ERAL1: variants seen among roughly 807,000 people sequenced by gnomAD.
ERAL1 encodes the protein Era like 12S mitochondrial rRNA chaperone 1.
A neutral mutation model predicts 53.6 loss-of-function variants in ERAL1; 36 were observed. The ratio of observed to expected loss-of-function variants is 0.67; its 90% CI spans 0.51 to 0.89. ERAL1 has a LOEUF of 0.89. ERAL1 is among the 40% of genes least tolerant of loss of function. The probability of loss-of-function intolerance (pLI) is 0.00; values close to 1 mark genes in which losing one functional copy is unlikely to be tolerated. For synonymous variants in ERAL1, 215 were observed against 211.8 expected (o/e 1.02, Z -0.13); for missense variants, 512 against 537.5 (o/e 0.95, Z 0.47).
chr17:28,860,583 C>A lies in ERAL1; in HGVS notation c.*30C>A. On this transcript the variant is annotated 3_prime_UTR_variant, in exon 10 of 10. Coordinates refer to ENST00000254928, the MANE Select transcript of ERAL1 (RefSeq NM_005702.4). ...CCTCTACTGACCCTCCCAGGGCATT[C>A]CAGCTCAAGCTGCTGGCAGGAACTG... 6.4e-7 allele frequency: 1 copy of A among 1,563,712 alleles called. No individual in the cohort carries two copies. Among genetic ancestry groups the A allele is most frequent in the South Asian group, 1.2e-5 (1 of 83,264 alleles).
In ERAL1 at chr17:28,859,061, G is replaced by A. The variant is rs759301990; in HGVS notation, c.1058G>A (p.Arg353Gln). 4.3e-6 allele frequency: 7 copies of A among 1,614,174 alleles called. No individual in the cohort carries two copies. The highest frequency in any genetic ancestry group is 2.2e-5 in the South Asian group (2 of 91,068). The change falls in exon 8 of 10, where the codon CGA becomes CAA. Residue 353 changes from arginine to glutamine, a missense_variant. Arg to Gln is a conservative substitution (Grantham distance 43). Coordinates refer to ENST00000254928, the MANE Select transcript of ERAL1 (RefSeq NM_005702.4). The part of the protein sequence containing the change: ...TPEEICANII[R>Q]EKLLEHLPQE... ...GAAGAGATCTGTGCCAACATTATCC[G>A]AGAGAAGCTCCTAGAACACCTGCCC...
At chr17:28,857,756 C>T (rs1035873051) in intron 3 of ERAL1, among the ~76,000 whole-genome samples, 183 bp from the exon 4 acceptor site, 4 of 152,112 alleles carry the variant, frequency 2.6e-5, no homozygotes, top group Non-Finnish European at 5.9e-5. Flanking sequence ...TGTGCCACTG[C>T]ACTCCAGCCT....
intron 9 of ERAL1, among the ~76,000 whole-genome samples, chr17:28,859,759 C>T (rs1244561102): frequency 6.6e-6 from 1 of 151,844 alleles, no homozygotes; most frequent in African/African-American, 2.4e-5. Context: ...AGGCTGGCTT[C>T]GAACGCTTGA....
chr17:28,855,277 T>C lies in ERAL1; in HGVS notation c.243T>C (p.Ser81=), dbSNP rs1179545678. 1 of 1,609,570 alleles carries C rather than the reference T, an allele frequency of 6.2e-7. No individual in the cohort carries two copies. Among genetic ancestry groups the C allele is most frequent in the Admixed American group, 1.7e-5 (1 of 59,334 alleles). The change falls in exon 1 of 10, where the codon AGT becomes AGC. Residue 81 remains serine (S), a synonymous_variant. Transcript: ENST00000254928. ...DHFLGFSQPD[S]SVTPCVPAVS... Reference sequence around the variant, plus strand: ...TCCTCGGATTCTCTCAGCCCGACAGTTCGGTGACTCCTTGCGTCCCCGCGG... The same window carrying C: ...TCCTCGGATTCTCTCAGCCCGACAGCTCGGTGACTCCTTGCGTCCCCGCGG...
chr17:28,859,496 C>T (rs1178341347), intron 9 of ERAL1, among the ~76,000 whole-genome samples: 1 of 151,934 alleles, frequency 6.6e-6, no homozygotes, highest in African/African-American at 2.4e-5. Context: ...TCAAGCAATC[C>T]TCCCGCCTCA....
chr17:28,859,953 C>T (rs1015915875), intron 9 of ERAL1, among the ~76,000 whole-genome samples: 1 of 151,882 alleles, frequency 6.6e-6, no homozygotes, highest in African/African-American at 2.4e-5. Context: ...TGAGCCACCA[C>T]ATCTAACCCT....
At chr17:28,859,935 A>G (rs1458941128) in intron 9 of ERAL1, among the ~76,000 whole-genome samples, 1 of 152,020 alleles carries the variant, frequency 6.6e-6, no homozygotes, top group Non-Finnish European at 1.5e-5. Context: ...TGCTGGGATT[A>G]ATATGCGTGA....
intron 4 of ERAL1, 37 bp downstream of exon 4, chr17:28,858,022 G>T: frequency 3.7e-6 from 6 of 1,613,848 alleles, no homozygotes; most frequent in Non-Finnish European, 4.2e-6. Context: ...TGGCGGGGAG[G>T]TACTGAAAGA....
Position 28,856,399 on chromosome 17 carries a change from A to C in ERAL1, c.411+8A>C. 2 of 1,613,876 alleles carry C rather than the reference A, an allele frequency of 1.2e-6. No individual in the cohort carries two copies. Among genetic ancestry groups the C allele is most frequent in the South Asian group, 2.2e-5 (2 of 91,078 alleles). On this transcript the variant is annotated splice_region_variant and intron_variant, in intron 2 of 9. Coordinates refer to ENST00000254928, the MANE Select transcript of ERAL1 (RefSeq NM_005702.4). ...CAGCTACTGGGCCGAAAGGTATGCT[A>C]CACCCTTGACCATCCTACCCTTTAC...
chr17:28,858,234 C>A (rs748895575), intron 5 of ERAL1, 27 bp downstream of exon 5: 1 of 1,613,166 alleles, frequency 6.2e-7, no homozygotes, highest in Non-Finnish European at 8.5e-7. Flanking sequence ...GAACCTTAAG[C>A]CCAGTTTACA....
chr17:28,856,528 G>T lies in ERAL1; in HGVS notation c.435G>T (p.Val145=). ...GRKVFPVSRK[V]HTTRCQALGV... ...AGGTGTTCCCTGTTTCCAGGAAGGT[G>T]CATACTACTCGCTGCCAAGCTCTGG... Residue 145 remains valine, a synonymous_variant, in exon 3 of 10, where the codon GTG becomes GTT. Coordinates refer to ENST00000254928, the MANE Select transcript of ERAL1 (RefSeq NM_005702.4). 7 of 1,613,888 alleles carry T rather than the reference G, an allele frequency of 4.3e-6. No homozygotes were observed. Among genetic ancestry groups the T allele is most frequent in the Non-Finnish European group, 5.9e-6 (7 of 1,179,904 alleles).
chr17:28,860,169 A>G (rs549763950), intron 9 of ERAL1, among the ~76,000 whole-genome samples: 1 of 148,816 alleles, frequency 6.7e-6, no homozygotes, highest in Non-Finnish European at 1.5e-5. Flanking sequence ...TAGAGACAGC[A>G]TTTCACCATG....
At position 28,858,991 on chromosome 17, in the gene ERAL1, G is replaced by A; in HGVS notation, c.988G>A (p.Gly330Arg). ...KQYLLTQAQP[G>R]PWEYHSAVLT... is the part of the protein sequence containing the mutation. ...ATACCTTCTGACACAGGCCCAGCCA[G>A]GGCCCTGGGAGTACCACAGTGCAGT... The change falls in exon 8 of 10, where the codon GGG becomes AGG. Residue 330 changes from glycine to arginine, a missense_variant. By Grantham distance (125) the Gly-to-Arg change is moderately radical. Transcript: ENST00000254928. 6 of 1,614,168 alleles carry A rather than the reference G, an allele frequency of 3.7e-6. No individual in the cohort carries two copies. Among genetic ancestry groups the A allele is most frequent in the Non-Finnish European group, 3.4e-6 (4 of 1,180,034 alleles).
intron 7 of ERAL1, 45 bp downstream of exon 7, chr17:28,858,869 T>A (rs993691817): frequency 1.2e-6 from 2 of 1,612,956 alleles, no homozygotes; most frequent in African/African-American, 1.3e-5. Flanking sequence ...TTCTACCATA[T>A]GAAGACAGCC....
In ERAL1 at chr17:28,860,458, G is replaced by C. The variant is rs780502321; in HGVS notation, c.1219G>C (p.Val407Leu). Residue 407 changes from valine (V) to leucine (L), a missense_variant, in exon 10 of 10, where the codon GTG becomes CTG. Coordinates refer to ENST00000254928, the MANE Select transcript of ERAL1 (RefSeq NM_005702.4). ...ACTCCTGATTGGTCCGAAGGGCCACGTGATCTCCCAGATAGCACAGGAGGC... is the reference window on the plus strand; with the variant it reads ...ACTCCTGATTGGTCCGAAGGGCCACCTGATCTCCCAGATAGCACAGGAGGC... ...VKLLIGPKGHVISQIAQEAGH... is the reference protein window; with the variant it reads ...VKLLIGPKGHLISQIAQEAGH... 1 of 1,610,766 alleles carries C rather than the reference G, an allele frequency of 6.2e-7. No homozygotes were observed. The highest frequency in any genetic ancestry group is 8.5e-7 in the Non-Finnish European group (1 of 1,178,726).
chr17:28,859,018 C>A lies in ERAL1; in HGVS notation c.1015C>A (p.Leu339Ile). 1 of 1,614,208 alleles carries A rather than the reference C, an allele frequency of 6.2e-7. No individual in the cohort carries two copies. The highest frequency in any genetic ancestry group is 8.5e-7 in the Non-Finnish European group (1 of 1,180,040). ...PGPWEYHSAV[L>I]TSQTPEEICA... is the part of the protein sequence containing the mutation. ...GCCCTGGGAGTACCACAGTGCAGTCCTCACTAGCCAGACACCAGAAGAGAT... is the reference window on the plus strand; with the variant it reads ...GCCCTGGGAGTACCACAGTGCAGTCATCACTAGCCAGACACCAGAAGAGAT... The change falls in exon 8 of 10, where the codon CTC (leucine) becomes ATC (isoleucine). Residue 339 changes from leucine (L) to isoleucine (I), a missense_variant. Coordinates refer to ENST00000254928, the MANE Select transcript of ERAL1 (RefSeq NM_005702.4).
rs1956354825 is a variant in ERAL1 at position 28,858,946 on chromosome 17, T to G, written c.961-18T>G. 6.2e-7 allele frequency: 1 copy of G among 1,613,746 alleles called. No homozygotes were observed. The highest frequency in any genetic ancestry group is 1.3e-5 in the African/African-American group (1 of 74,948). ...TGGTTGGGATTAAGATGCCCATCTATTCCCTCTGTTCCCACAGCAATACCT... is the reference window on the plus strand; with the variant it reads ...TGGTTGGGATTAAGATGCCCATCTAGTCCCTCTGTTCCCACAGCAATACCT... On this transcript the variant is annotated intron_variant, in intron 7 of 9. Transcript: ENST00000254928.
Position 28,860,498 on chromosome 17 carries a change from T to G in ERAL1, c.1259T>G (p.Met420Arg), listed in dbSNP as rs180833957. ...QIAQEAGHDL[M>R]DIFLCDVDIR... ...GCACAGGAGGCAGGCCATGACCTCA[T>G]GGACATCTTCCTCTGCGATGTTGAC... The change falls in exon 10 of 10, where the codon ATG (methionine) becomes AGG (arginine). Residue 420 changes from methionine to arginine, a missense_variant. By Grantham distance (91) the Met-to-Arg change is moderately conservative (BLOSUM62 -1). Transcript: ENST00000254928. 9.3e-6 allele frequency: 15 copies of G among 1,608,512 alleles called. No homozygotes were observed. The highest frequency in any genetic ancestry group is 6.8e-5 in the East Asian group (3 of 44,352).
chr17:28,855,100 C>T lies in ERAL1; in HGVS notation c.66C>T (p.Gly22=). Residue 22 remains glycine (G), a synonymous_variant, in exon 1 of 10, where the codon GGC becomes GGT. Transcript: ENST00000254928. ...VQSVLRVWQV[G]PHVARERVIP... is the part of the protein sequence containing the mutation. ...CGGTGTTAAGAGTCTGGCAGGTGGG[C>T]CCTCATGTCGCGAGGGAGCGGGTGA... The T allele has an allele frequency of 1.2e-6, 2 of 1,614,136 alleles. No individual in the cohort carries two copies. The highest frequency in any genetic ancestry group is 1.7e-6 in the Non-Finnish European group (2 of 1,179,994).
Sources: allele counts gnomAD v4.1 joint callset (sites outside exome capture counted in the v4.1 genomes callset), GRCh38; gene constraint gnomAD v4.1.1; transcripts MANE v1.5; gene names NCBI Gene and HGNC (gene_info 2026-07-23, HGNC 2026-07-21).